The following MS4A8 variants were observed in gnomAD, a reference collection of about 807,000 sequenced individuals.
MS4A8 encodes the protein membrane spanning 4-domains A8, also known as membrane-spanning 4-domains subfamily A member 8.
Under a neutral mutation model 23.7 loss-of-function variants are expected in MS4A8, and 27 were observed. That is an observed-to-expected ratio of 1.14 (90% CI 0.84 to 1.57). MS4A8 has a LOEUF of 1.57. Among genes scored for constraint, MS4A8 ranks in the 40% most tolerant of loss-of-function variants. The probability of loss-of-function intolerance (pLI) is 0.00; values close to 1 mark genes in which losing one functional copy is unlikely to be tolerated. For missense variants in MS4A8, 301 were observed against 311.4 expected (o/e 0.97, Z 0.25); for synonymous variants, 138 against 126.3 (o/e 1.09, Z -0.62).
At chr11:60,712,972 A>G (rs911775584) in intron 5 of MS4A8, among the ~76,000 whole-genome samples, 2 of 152,170 alleles carry the variant, frequency 1.3e-5, no homozygotes, top group Non-Finnish European at 2.9e-5. Flanking sequence ...GGAAGACTCC[A>G]TACTCCTGGG....
chr11:60,709,087 C>A, intron 5 of MS4A8: 1 of 344,552 alleles, frequency 2.9e-6, no homozygotes, highest in Non-Finnish European at 5.5e-6. Flanking sequence ...TCTCTGCCTT[C>A]TTGCCCATTA....
At chr11:60,707,650 G>C (rs1028177017) in intron 4 of MS4A8, among the ~76,000 whole-genome samples, 1 of 152,142 alleles carries the variant, frequency 6.6e-6, no homozygotes, top group African/African-American at 2.4e-5. Context: ...GTCTTCAAAA[G>C]AAAGCTCAAA....
intron 5 of MS4A8, among the ~76,000 whole-genome samples, chr11:60,710,772 C>T (rs113495673): frequency 2.0e-3 from 305 of 152,298 alleles, no homozygotes; most frequent in African/African-American, 6.9e-3. Flanking sequence ...TGGTGCCCCC[C>T]GCCCCTGGCT....
intron 5 of MS4A8, among the ~76,000 whole-genome samples, chr11:60,714,492 G>GTGGA (rs1590956394): frequency 1.3e-5 from 2 of 152,184 alleles, no homozygotes; most frequent in African/African-American, 4.8e-5. Flanking sequence ...CAGAGGGATG[G>GTGGA]TGGAGGTTTA....
intron 2 of MS4A8, 143 bp downstream of exon 2, chr11:60,701,222 G>C (rs374335077): frequency 5.2e-5 from 41 of 783,460 alleles, no homozygotes; most frequent in South Asian, 4.0e-4. Flanking sequence ...AGGTCTATTA[G>C]AAAGCTCAGC....
intron 5 of MS4A8, among the ~76,000 whole-genome samples, chr11:60,712,791 C>CA (rs759866312): frequency 0.047 from 6,324 of 135,550 alleles, 205 homozygotes; most frequent in Middle Eastern, 0.11. Flanking sequence ...CACTCTGTCT[C>CA]AAAAAAAAAA....
intron 5 of MS4A8, chr11:60,711,809 A>G (rs908763025): frequency 8.8e-6 from 4 of 456,028 alleles, no homozygotes; most frequent in African/African-American, 8.0e-5. Context: ...TTGATTCAGA[A>G]AACTTGGCTT....
At chr11:60,707,800 CTTTTTCTTTTTCT>C (rs2088268979) in intron 4 of MS4A8, among the ~76,000 whole-genome samples, 1 of 115,444 alleles carries the variant, frequency 8.7e-6, no homozygotes, top group Non-Finnish European at 1.8e-5. Context: ...ATTCTTTTTT[CTTTTTCTTTTTCT>C]TTTTTTTTTT....
At chr11:60,702,274 TA>T (rs1403673176) in intron 2 of MS4A8, among the ~76,000 whole-genome samples, 1 of 152,242 alleles carries the variant, frequency 6.6e-6, no homozygotes, top group East Asian at 1.9e-4. Context: ...AAAGCCTATT[TA>T]ATAGTGTTCT....
chr11:60,712,004 A>G (rs1030109440), intron 5 of MS4A8: 2 of 244,068 alleles, frequency 8.2e-6, no homozygotes, highest in Non-Finnish European at 1.7e-5. Flanking sequence ...ATTATTTTTC[A>G]TCAAATAAAA....
chr11:60,710,163 T>C (rs1380178697), intron 5 of MS4A8, among the ~76,000 whole-genome samples: 1 of 152,228 alleles, frequency 6.6e-6, no homozygotes, highest in African/African-American at 2.4e-5. Context: ...ATTGGTTCTC[T>C]GGTTTTCTTT....
chr11:60,715,665 G>A lies in MS4A8; in HGVS notation c.*251G>A. 1 of 476,892 alleles carries A rather than the reference G, an allele frequency of 2.1e-6. No homozygotes were observed. Among genetic ancestry groups the A allele is most frequent in the Non-Finnish European group, 3.8e-6 (1 of 264,828 alleles). The allele number at this position is 476,892 out of a possible 1,614,324, so 29.5% of individuals were successfully genotyped here. A position where few individuals can be genotyped will look rare whatever the true frequency, so the allele number is the denominator to read the frequency against. ...GGGCACATGCATCAGCACATATGTG[G>A]GCATCCAGCCTCTGGGGCCTTGGCA... On this transcript the variant is annotated 3_prime_UTR_variant, in exon 7 of 7. Transcript: ENST00000300226.
intron 1 of MS4A8, among the ~76,000 whole-genome samples, chr11:60,700,124 T>C (rs1468326684): frequency 6.6e-6 from 1 of 152,230 alleles, no homozygotes; most frequent in Non-Finnish European, 1.5e-5. Context: ...TGGAGGATTC[T>C]TGTCCACTCT....
At chr11:60,704,084 C>T (rs145014476) in intron 3 of MS4A8, among the ~76,000 whole-genome samples, 96 of 151,292 alleles carry the variant, frequency 6.3e-4, no homozygotes, top group Middle Eastern at 3.5e-3. Context: ...CGCAAGGTGA[C>T]ATCCCCTCAA....
chr11:60,700,129 C>T (rs2134651307), intron 1 of MS4A8, among the ~76,000 whole-genome samples: 1 of 152,310 alleles, frequency 6.6e-6, no homozygotes, highest in African/African-American at 2.4e-5. Flanking sequence ...GATTCTTGTC[C>T]ACTCTCTCAC....
At chr11:60,708,620 G>A (rs763330043) in intron 4 of MS4A8, 30 bp from the exon 5 acceptor site, 93 of 1,479,300 alleles carry the variant, frequency 6.3e-5, no homozygotes, top group Admixed American at 5.0e-5. Flanking sequence ...AGCTTTTCTC[G>A]CCCATCCTGA....
In MS4A8 at chr11:60,701,041, C is replaced by A. The variant is rs1164216920; in HGVS notation, c.181C>A (p.Pro61Thr). The part of the protein sequence containing the change: ...PSLVSNVNGQ[P>T]VQKALKEGKT... The stretch of plus-strand genomic sequence containing the variant: ...TTTGGTGTCGAATGTGAATGGGCAG[C>A]CTGTGCAGAAAGCTCTGAAAGAAGG... The change falls in exon 2 of 7, where the codon CCT becomes ACT. Residue 61 changes from proline to threonine, a missense_variant. Transcript: ENST00000300226. The A allele has an allele frequency of 1.2e-6, 2 of 1,613,998 alleles. No homozygotes were observed. The highest frequency in any genetic ancestry group is 1.7e-6 in the Non-Finnish European group (2 of 1,180,044).
chr11:60,715,382 A>C lies in MS4A8; in HGVS notation c.721A>C (p.Ser241Arg). 2 of 1,614,034 alleles carry C rather than the reference A, an allele frequency of 1.2e-6. No homozygotes were observed. Among genetic ancestry groups the C allele is most frequent in the South Asian group, 2.2e-5 (2 of 91,082 alleles). Residue 241 changes from serine (S) to arginine (R), a missense_variant, in exon 7 of 7, where the codon AGT becomes CGT. Ser to Arg is a moderately radical substitution (Grantham distance 110, BLOSUM62 -1). Coordinates refer to ENST00000300226, the MANE Select transcript of MS4A8 (RefSeq NM_031457.2). ...CCCAGAACCGGTGACCTCACCACCA[A>C]GTTATTCCAGTGAGATCCAAGCAAA... ...ITPEPVTSPP[S>R]YSSEIQANK
chr11:60,710,143 A>G (rs889481908), intron 5 of MS4A8, among the ~76,000 whole-genome samples: 11 of 151,936 alleles, frequency 7.2e-5, no homozygotes, highest in African/African-American at 2.4e-4. Context: ...CCAATCTCTT[A>G]GGCTCAATAA....
Sources: gnomAD v4.1 joint callset for allele counts (sites outside exome capture counted in the v4.1 genomes callset) on GRCh38, gnomAD v4.1.1 for gene constraint, MANE v1.5 for transcripts, NCBI Gene and HGNC (gene_info 2026-07-23, HGNC 2026-07-21) for gene names.